Variants in TADA2B observed in about 807,000 individuals in gnomAD.
TADA2B encodes the protein transcriptional adapter 2-beta.
In TADA2B, 13 loss-of-function variants were observed where a neutral mutation model predicts 34.5. That is an observed-to-expected ratio of 0.38 (90% CI 0.25 to 0.60). The LOEUF (loss-of-function observed/expected upper bound fraction) is 0.60, where lower values mean the gene tolerates loss of function less well. TADA2B is among the 20% of genes least tolerant of loss of function. TADA2B has a pLI of 0.65. For missense variants in TADA2B, 442 were observed against 575.0 expected (o/e 0.77, Z 2.37); for synonymous variants, 240 against 243.4 (o/e 0.99, Z 0.13).
At chr4:7,047,413 C>T (rs1723655638) in intron 1 of TADA2B, among the ~76,000 whole-genome samples, 1 of 152,232 alleles carries the variant, frequency 6.6e-6, no homozygotes, top group South Asian at 2.1e-4. Context: ...CACACGTCAA[C>T]ACTCAGGCTC....
At chr4:7,049,737 C>T (rs1388669669) in intron 1 of TADA2B, among the ~76,000 whole-genome samples, 2 of 152,234 alleles carry the variant, frequency 1.3e-5, no homozygotes, top group Admixed American at 6.5e-5. Flanking sequence ...GACCCGGTGT[C>T]CTCAAGTTGT....
Position 7,054,777 on chromosome 4 carries a change from G to T in TADA2B, c.986G>T (p.Arg329Leu). Residue 329 changes from arginine (R) to leucine (L), a missense_variant, in exon 2 of 2, where the codon CGG (arginine) becomes CTG (leucine). Transcript: ENST00000310074. ...KENKNLAGSKRGKEDGKDSEF... is the reference protein window; with the variant it reads ...KENKNLAGSKLGKEDGKDSEF... ...AACAAAAACCTAGCCGGCTCCAAAC[G>T]GGGAAAGGAGGACGGCAAAGACAGC... The T allele has an allele frequency of 6.2e-7, 1 of 1,613,944 alleles. No homozygotes were observed. The highest frequency in any genetic ancestry group is 1.3e-5 in the African/African-American group (1 of 75,034).
rs538509958 is a variant in TADA2B at position 7,056,585 on chromosome 4, C to T, written c.*1531C>T. On this transcript the variant is annotated 3_prime_UTR_variant, in exon 2 of 2. Coordinates refer to ENST00000310074, the MANE Select transcript of TADA2B (RefSeq NM_152293.3). ...GCCTTTTCCTTTCTTTTTACACATC[C>T]TACTGTCCCTTAGGGTAAAATTTTC... is the stretch of plus-strand genomic sequence containing the variant. 2 of 152,306 alleles carry T rather than the reference C, an allele frequency of 1.3e-5. No individual in the cohort carries two copies. The highest frequency in any genetic ancestry group is 2.1e-4 in the South Asian group (1 of 4,826). The allele number at this position is 152,306 out of a possible 1,614,324, so 9.4% of individuals were successfully genotyped here. A position where few individuals can be genotyped will look rare whatever the true frequency, so the allele number is the denominator to read the frequency against.
chr4:7,047,808 G>A (rs1481189509), intron 1 of TADA2B, among the ~76,000 whole-genome samples: 1 of 152,226 alleles, frequency 6.6e-6, no homozygotes, highest in East Asian at 1.9e-4. Flanking sequence ...GAGGAAGCTG[G>A]TGAAAAGCCC....
In TADA2B at chr4:7,051,034, C is replaced by T. The variant is rs145379943; in HGVS notation, c.271-3028C>T. Among the ~76,000 whole-genome samples, 70 of 152,208 alleles carry T rather than the reference C, an allele frequency of 4.6e-4. No homozygotes were observed. The South Asian group carries it at 0.013, about 28-fold the overall frequency. ...ACACTCCTCCTCCGTGGGAAGCGCA[C>T]GGGGTGAGTGGGATGATGGGCGTAG... On this transcript the variant is annotated intron_variant, in intron 1 of 1. Coordinates refer to ENST00000310074, the MANE Select transcript of TADA2B (RefSeq NM_152293.3).
Position 7,043,455 on chromosome 4 carries a change from CCGCGGCGGCGGGCGGCGGTTGCTCGTG to C in TADA2B, c.-113_-87del. 1.3e-5 allele frequency: 5 copies of C among 386,760 alleles called. No homozygotes were observed. Among genetic ancestry groups the C allele is most frequent in the Non-Finnish European group, 1.7e-5 (5 of 286,716 alleles). The allele number at this position is 386,760 out of a possible 1,614,324, so 24.0% of individuals were successfully genotyped here. A position where few individuals can be genotyped will look rare whatever the true frequency, so the allele number is the denominator to read the frequency against. On this transcript the variant is annotated 5_prime_UTR_variant, in exon 1 of 2. Transcript: ENST00000310074. ...TGGGCTGGGGCCGCGGTGGCGGCAG[CCGCGGCGGCGGGCGGCGGTTGCTCGTG>C]CGCGGCGGCGGCGGCGGGTCCCGCG...
rs1723860238 is a variant in TADA2B at position 7,055,135 on chromosome 4, C to T, written c.*81C>T. On this transcript the variant is annotated 3_prime_UTR_variant, in exon 2 of 2. Coordinates refer to ENST00000310074, the MANE Select transcript of TADA2B (RefSeq NM_152293.3). ...ACTTGGGGGAGGGGAGCCGCTTCCC[C>T]ACTGTTGCTCTTTTTTAAACAAATT... 1 of 1,388,264 alleles carries T rather than the reference C, an allele frequency of 7.2e-7. No homozygotes were observed. Among genetic ancestry groups the T allele is most frequent in the African/African-American group, 1.5e-5 (1 of 68,718 alleles). 86.0% of individuals were successfully genotyped at this position (1,388,264 alleles called of 1,614,324 possible).
rs1439029833 is a variant in TADA2B at position 7,043,528 on chromosome 4, C to G, written c.-52C>G. On this transcript the variant is annotated 5_prime_UTR_variant, in exon 1 of 2. Coordinates refer to ENST00000310074, the MANE Select transcript of TADA2B (RefSeq NM_152293.3). Reference sequence around the variant, plus strand: ...CCGCGGGCGGCGGGGCGCTGACGGCCGGGGGCGCGGCGGCTGCGGCGGGCC... The same window carrying G: ...CCGCGGGCGGCGGGGCGCTGACGGCGGGGGGCGCGGCGGCTGCGGCGGGCC... The G allele has an allele frequency of 9.6e-7, 1 of 1,037,044 alleles. No homozygotes were observed. Among genetic ancestry groups the G allele is most frequent in the African/African-American group, 1.8e-5 (1 of 54,298 alleles). The allele number at this position is 1,037,044 out of a possible 1,614,324, so 64.2% of individuals were successfully genotyped here.
At position 7,054,826 on chromosome 4, in the gene TADA2B, T is replaced by G; in HGVS notation, c.1035T>G (p.Leu345=). 1 of 1,613,830 alleles carries G rather than the reference T, an allele frequency of 6.2e-7. No homozygotes were observed. Among genetic ancestry groups the G allele is most frequent in the Non-Finnish European group, 8.5e-7 (1 of 1,179,874 alleles). Reference sequence around the variant, plus strand: ...GCGAGTTCGCCGCCATTGAGAACCTTCCAGGCTTCGAGCTCCTGTCAGATC... The same window carrying G: ...GCGAGTTCGCCGCCATTGAGAACCTGCCAGGCTTCGAGCTCCTGTCAGATC... The part of the protein sequence containing the change: ...KDSEFAAIEN[L]PGFELLSDRE... The change falls in exon 2 of 2, where the codon CTT becomes CTG. Residue 345 remains leucine, a synonymous_variant. Transcript: ENST00000310074.
In TADA2B at chr4:7,054,700, A is replaced by G. The variant is rs1399465003; in HGVS notation, c.909A>G (p.Glu303=). ...GGCGAAACGGGATCACCAAGATGGA[A>G]GAGTCGGCAGAGTACGAGGCAGCGC... is the stretch of plus-strand genomic sequence containing the variant. The part of the protein sequence containing the change: ...RYRRNGITKM[E]ESAEYEAARH... The change falls in exon 2 of 2, where the codon GAA becomes GAG. Residue 303 remains glutamate (E), a synonymous_variant. Transcript: ENST00000310074. 1 of 1,613,854 alleles carries G rather than the reference A, an allele frequency of 6.2e-7. No individual in the cohort carries two copies. The highest frequency in any genetic ancestry group is 8.5e-7 in the Non-Finnish European group (1 of 1,179,888).
At chr4:7,053,526 C>T (rs868489) in intron 1 of TADA2B, 36,383 of 153,204 alleles carry the variant, frequency 0.24, 4,386 homozygotes, top group Middle Eastern at 0.29. Flanking sequence ...GCTTTTCCAG[C>T]GGGTGGCAAC....
intron 1 of TADA2B, 67 bp downstream of exon 1, chr4:7,043,916 G>C: frequency 4.2e-6 from 6 of 1,415,754 alleles, no homozygotes; most frequent in Non-Finnish European, 5.5e-6. Context: ...TCCTGTAATC[G>C]GGCGCGCAGG....
chr4:7,056,693 T>A lies in TADA2B; in HGVS notation c.*1639T>A, dbSNP rs1171463948. 3.9e-5 allele frequency: 6 copies of A among 152,250 alleles called. No individual in the cohort carries two copies. The highest frequency in any genetic ancestry group is 3.9e-4 in the Admixed American group (6 of 15,290). The allele number at this position is 152,250 out of a possible 1,614,324, so 9.4% of individuals were successfully genotyped here. A position where few individuals can be genotyped will look rare whatever the true frequency, so the allele number is the denominator to read the frequency against. Reference sequence around the variant, plus strand: ...GCATGCTGACAGAGAAGCGCTCTTTTAGCTAAGCCCAGAACTTCTCTTTTG... The same window carrying A: ...GCATGCTGACAGAGAAGCGCTCTTTAAGCTAAGCCCAGAACTTCTCTTTTG... On this transcript the variant is annotated 3_prime_UTR_variant, in exon 2 of 2. Coordinates refer to ENST00000310074, the MANE Select transcript of TADA2B (RefSeq NM_152293.3).
intron 1 of TADA2B, among the ~76,000 whole-genome samples, chr4:7,050,059 T>TG (rs1424074079): frequency 6.6e-6 from 1 of 152,226 alleles, no homozygotes; most frequent in Non-Finnish European, 1.5e-5. Flanking sequence ...GGGTGGCAGG[T>TG]GGGGCCCTCC....
chr4:7,045,421 C>A (rs991152812), intron 1 of TADA2B, among the ~76,000 whole-genome samples: 87 of 152,334 alleles, frequency 5.7e-4, no homozygotes, highest in African/African-American at 1.9e-3. Flanking sequence ...TTCCACACAC[C>A]ATAACCGGAG....
chr4:7,047,545 C>T (rs1229086764), intron 1 of TADA2B, among the ~76,000 whole-genome samples: 1 of 152,224 alleles, frequency 6.6e-6, no homozygotes, highest in Non-Finnish European at 1.5e-5. Flanking sequence ...TGCATTCATT[C>T]TCTCGCTCAT....
intron 1 of TADA2B, chr4:7,046,062 G>C (rs1316251698): frequency 3.3e-5 from 5 of 152,256 alleles, no homozygotes; most frequent in Non-Finnish European, 7.3e-5. Context: ...CCAGGCTGCG[G>C]TCAGGGCGTT....
chr4:7,045,375 C>T (rs11931598), intron 1 of TADA2B, among the ~76,000 whole-genome samples: 83,915 of 152,054 alleles, frequency 0.55, 24,426 homozygotes, highest in African/African-American at 0.74. Flanking sequence ...TTGGGAGCCT[C>T]CTTGTTCGTT....
intron 1 of TADA2B, 49 bp downstream of exon 1, chr4:7,043,898 C>T (rs781329214): frequency 7.0e-6 from 10 of 1,433,356 alleles, no homozygotes; most frequent in African/African-American, 4.4e-5. Flanking sequence ...CTGGAAGGCC[C>T]GCGCCTCTCC....
Sources: gnomAD v4.1 joint callset for allele counts (sites outside exome capture counted in the v4.1 genomes callset) on GRCh38, gnomAD v4.1.1 for gene constraint, MANE v1.5 for transcripts, NCBI Gene and HGNC (gene_info 2026-07-23, HGNC 2026-07-21) for gene names.